Variants in CEP128 observed in about 807,000 individuals in gnomAD.
CEP128 encodes centrosomal protein 128kDa.
CEP128 carries 132 observed loss-of-function variants against 156.7 expected under a neutral mutation model. That is an observed-to-expected ratio of 0.84 (90% CI 0.73 to 0.97). CEP128 has a LOEUF of 0.97. Ranked by LOEUF, CEP128 falls within the 50% of genes least tolerant of loss-of-function variation. The pLI is 0.00. For synonymous variants in CEP128, 469 were observed against 448.9 expected, an observed-to-expected ratio of 1.04 and a Z score of -0.57; for missense variants, 1,252 against 1,281.9, an observed-to-expected ratio of 0.98 and a Z score of 0.36.
intron 7 of CEP128, among the ~76,000 whole-genome samples, chr14:80,897,978 C>G (rs955586731): frequency 6.6e-6 from 1 of 152,170 alleles, no homozygotes; most frequent in African/African-American, 2.4e-5. Flanking sequence ...TGGGGTTTCA[C>G]CATGTTGCCC....
intron 13 of CEP128, among the ~76,000 whole-genome samples, chr14:80,797,588 G>A (rs760452115): frequency 5.3e-5 from 8 of 151,894 alleles, no homozygotes; most frequent in Non-Finnish European, 7.4e-5. Context: ...CCATTGTTTC[G>A]GCATTTCTTT....
chr14:80,841,855 A>G (rs1254396887), intron 9 of CEP128, among the ~76,000 whole-genome samples: 2 of 152,032 alleles, frequency 1.3e-5, no homozygotes, highest in South Asian at 4.1e-4. Context: ...ATATCTGTAG[A>G]GCACATAAAG....
intron 2 of CEP128, among the ~76,000 whole-genome samples, chr14:80,921,815 T>C (rs2139533873): frequency 6.6e-6 from 1 of 152,048 alleles, no homozygotes; most frequent in East Asian, 1.9e-4. Flanking sequence ...ATACAAAAAT[T>C]AGCTGGGCAT....
At chr14:80,750,543 C>T (rs1899338530) in intron 18 of CEP128, among the ~76,000 whole-genome samples, 1 of 152,176 alleles carries the variant, frequency 6.6e-6, no homozygotes, top group African/African-American at 2.4e-5. Flanking sequence ...CAGCATGATC[C>T]TCCAGTAATC....
chr14:80,936,735 A>T (rs1433415064), intron 2 of CEP128, among the ~76,000 whole-genome samples: 1 of 152,222 alleles, frequency 6.6e-6, no homozygotes, highest in African/African-American at 2.4e-5. Flanking sequence ...CTCAAAAGAT[A>T]CATAAGCAGA....
intron 19 of CEP128, among the ~76,000 whole-genome samples, chr14:80,643,843 A>C (rs1894523915): frequency 6.6e-6 from 1 of 152,178 alleles, no homozygotes; most frequent in Non-Finnish European, 1.5e-5. Flanking sequence ...TTCAGCTCAC[A>C]CTAAGTAAAA....
chr14:80,642,690 G>C (rs972431043), intron 19 of CEP128, among the ~76,000 whole-genome samples: 2 of 151,596 alleles, frequency 1.3e-5, no homozygotes, highest in Admixed American at 6.6e-5. Flanking sequence ...GAGAGAGAGA[G>C]AGATTTAAAA....
intron 19 of CEP128, among the ~76,000 whole-genome samples, chr14:80,592,454 A>C (rs901698626): frequency 3.9e-5 from 6 of 152,216 alleles, no homozygotes; most frequent in African/African-American, 1.4e-4. Context: ...CTAAACTAGG[A>C]AGAAGCTGAA....
chr14:80,862,725 A>G (rs1887573000), intron 9 of CEP128, 32 bp downstream of exon 9: 1 of 1,386,792 alleles, frequency 7.2e-7, no homozygotes. Flanking sequence ...CAAATTCAAG[A>G]TTTACATTCC....
chr14:80,786,291 A>G (rs1296190758), intron 14 of CEP128, among the ~76,000 whole-genome samples: 1 of 152,188 alleles, frequency 6.6e-6, no homozygotes. Flanking sequence ...TGGGCAGCCA[A>G]GGGAGCCAAG....
At chr14:80,894,423 A>G (rs1481534307) in intron 8 of CEP128, among the ~76,000 whole-genome samples, 1 of 152,032 alleles carries the variant, frequency 6.6e-6, no homozygotes, top group Non-Finnish European at 1.5e-5. Flanking sequence ...TAACTAAGAA[A>G]AGCACCAATC....
intron 19 of CEP128, among the ~76,000 whole-genome samples, chr14:80,650,955 T>A (rs1031441280): frequency 6.6e-6 from 1 of 152,040 alleles, no homozygotes; most frequent in African/African-American, 2.4e-5. Context: ...GGAGGAGTCC[T>A]TCTTTTTCTA....
intron 13 of CEP128, among the ~76,000 whole-genome samples, chr14:80,809,341 A>C (rs1884370751): frequency 6.6e-6 from 1 of 152,186 alleles, no homozygotes; most frequent in African/African-American, 2.4e-5. Context: ...AAAAAAGAAG[A>C]AACAGAGCAG....
At chr14:80,704,534 C>T (rs573064089) in intron 19 of CEP128, among the ~76,000 whole-genome samples, 4 of 151,868 alleles carry the variant, frequency 2.6e-5, no homozygotes, top group African/African-American at 7.2e-5. Flanking sequence ...ATGTTTCTTC[C>T]ACCACATCTG....
upstream of CEP128, among the ~76,000 whole-genome samples, chr14:80,942,884 T>C (rs902459849): frequency 2.6e-5 from 4 of 152,172 alleles, no homozygotes; most frequent in African/African-American, 9.7e-5. Context: ...AAATTTGATA[T>C]AGTCGTATTA....
intron 13 of CEP128, among the ~76,000 whole-genome samples, chr14:80,801,966 G>C (rs553338141): frequency 7.8e-6 from 1 of 127,960 alleles, no homozygotes; most frequent in African/African-American, 2.9e-5. Flanking sequence ...TGAGAGAAAT[G>C]CAAATCAAAA....
chr14:80,656,279 T>TTATTTA (rs1491479426), intron 19 of CEP128, among the ~76,000 whole-genome samples: 5 of 47,126 alleles, frequency 1.1e-4, no homozygotes, highest in African/African-American at 4.0e-4. Context: ...AAGTTTTTAT[T>TTATTTA]TATATATATA....
rs536664258 is a variant in CEP128 at position 80,502,158 on chromosome 14, G to A, written c.3181+2754C>T. ...ACCTCTGCTGCTGCTGTACACTGCC[G>A]CTTCAATAAAAACTGCTGCTAACAC... On this transcript the variant is annotated intron_variant, in intron 24 of 24. Transcript: ENST00000555265. Among the ~76,000 whole-genome samples the A allele has an allele frequency of 3.9e-5, 6 of 152,276 alleles. No individual in the cohort carries two copies. In the South Asian group the frequency reaches 8.3e-4, roughly 21 times the overall value.
At position 80,656,291 on chromosome 14, in the gene CEP128, TTATATATATATATATATATA is replaced by T. The variant is rs1159139132; in HGVS notation, c.2807-75888_2807-75869del. ...CCTAAGTTTTTATTTATATATATAT[TTATATATATATATATATATA>T]TATATATATATATATATATATATAT... On this transcript the variant is annotated intron_variant, in intron 19 of 24. Transcript: ENST00000555265. 8.2e-3 allele frequency among the ~76,000 whole-genome samples: 211 copies of T among 25,720 alleles called. 1 individual carries two copies. Among genetic ancestry groups the T allele is most frequent in the South Asian group, 0.038 (24 of 632 alleles). 16.9% of individuals were successfully genotyped at this position (25,720 alleles called of 152,430 possible).
Sources: gnomAD v4.1 joint callset for allele counts (sites outside exome capture counted in the v4.1 genomes callset) on GRCh38, gnomAD v4.1.1 for gene constraint, MANE v1.5 for transcripts, NCBI Gene and HGNC (gene_info 2026-07-23, HGNC 2026-07-21) for gene names.